RSU1: variants seen among roughly 807,000 people sequenced by gnomAD.
RSU1 encodes rsu-1.
A neutral mutation model predicts 31.1 loss-of-function variants in RSU1; 26 were observed. That is an observed-to-expected ratio of 0.84 (90% CI 0.61 to 1.16). The LOEUF (loss-of-function observed/expected upper bound fraction) is 1.16. Among genes scored for constraint, RSU1 ranks in the 50% most tolerant of loss-of-function variants. RSU1 has a pLI of 0.00. For missense variants in RSU1, 320 were observed against 339.1 expected (o/e 0.94, Z 0.44); for synonymous variants, 164 against 136.3 (o/e 1.20, Z -1.41).
chr10:16,653,449 C>T (rs750986409), intron 8 of RSU1, among the ~76,000 whole-genome samples: 2 of 152,230 alleles, frequency 1.3e-5, no homozygotes, highest in Non-Finnish European at 2.9e-5. Flanking sequence ...GGTAGTAACA[C>T]GGCTTTCCCT....
intron 7 of RSU1, among the ~76,000 whole-genome samples, chr10:16,704,870 A>G (rs1835862994): frequency 6.6e-6 from 1 of 152,214 alleles, no homozygotes; most frequent in Non-Finnish European, 1.5e-5. Flanking sequence ...TAAAATACAC[A>G]TAGGATAAAA....
intron 7 of RSU1, among the ~76,000 whole-genome samples, chr10:16,720,375 A>G (rs1397757657): frequency 6.6e-6 from 1 of 152,224 alleles, no homozygotes; most frequent in Admixed American, 6.5e-5. Flanking sequence ...AAATTATCAA[A>G]TAGAAATTAA....
chr10:16,808,075 G>T (rs1204018763), intron 2 of RSU1, among the ~76,000 whole-genome samples: 1 of 151,070 alleles, frequency 6.6e-6, no homozygotes, highest in South Asian at 2.1e-4. Flanking sequence ...GGTAAGGCAG[G>T]CCCTAGGAGT....
chr10:16,709,180 G>A (rs1588484287), intron 7 of RSU1, among the ~76,000 whole-genome samples: 1 of 145,486 alleles, frequency 6.9e-6, no homozygotes, highest in African/African-American at 2.5e-5. Flanking sequence ...AGAGTGTGAT[G>A]TTCCCCTTCC....
At chr10:16,730,688 A>C (rs528689306) in intron 7 of RSU1, among the ~76,000 whole-genome samples, 2 of 152,376 alleles carry the variant, frequency 1.3e-5, no homozygotes, top group East Asian at 3.8e-4. Flanking sequence ...ACACTGGAGA[A>C]ATTATAAAAA....
chr10:16,687,691 T>G (rs17139031), intron 8 of RSU1, among the ~76,000 whole-genome samples: 5,194 of 152,164 alleles, frequency 0.034, 233 homozygotes, highest in East Asian at 0.1. Context: ...ACAGGAACAG[T>G]TGAGCAATTA....
intron 8 of RSU1, among the ~76,000 whole-genome samples, chr10:16,610,568 G>A (rs1833876102): frequency 6.6e-6 from 1 of 152,160 alleles, no homozygotes; most frequent in Non-Finnish European, 1.5e-5. Context: ...CGCTCCTTAT[G>A]AGAATCTAAT....
intron 8 of RSU1, among the ~76,000 whole-genome samples, chr10:16,623,045 C>T (rs970591828): frequency 6.6e-6 from 1 of 151,750 alleles, no homozygotes; most frequent in Non-Finnish European, 1.5e-5. Context: ...TTTCCCCCAA[C>T]TTTCATTTTA....
chr10:16,758,016 A>G (rs891190643), intron 4 of RSU1, among the ~76,000 whole-genome samples: 3 of 152,146 alleles, frequency 2.0e-5, no homozygotes, highest in African/African-American at 7.2e-5. Context: ...GAGCCCCTCC[A>G]CCTCCTGGTG....
chr10:16,709,684 C>G (rs1835978608), intron 7 of RSU1, among the ~76,000 whole-genome samples: 1 of 152,142 alleles, frequency 6.6e-6, no homozygotes, highest in Admixed American at 6.5e-5. Flanking sequence ...TAACGATTGC[C>G]ATTCTAACTG....
Position 16,764,987 on chromosome 10 carries a change from G to C in RSU1, c.161-477C>G, listed in dbSNP as rs193287810. On this transcript the variant is annotated intron_variant, in intron 3 of 8. Coordinates refer to ENST00000345264, the MANE Select transcript of RSU1 (RefSeq NM_012425.4). ...CACAGTTTGTTTCAGATGGCTAATG[G>C]GGGGGGAGAAACAGAGCAAAAATGC... Among the ~76,000 whole-genome samples, 10 of 150,352 alleles carry C rather than the reference G, an allele frequency of 6.7e-5. No individual in the cohort carries two copies. In the East Asian group the frequency reaches 1.2e-3, roughly 18 times the overall value.
At chr10:16,749,789 C>T (rs1345713227) in intron 7 of RSU1, among the ~76,000 whole-genome samples, 7 of 152,334 alleles carry the variant, frequency 4.6e-5, no homozygotes, top group Middle Eastern at 3.4e-3. Flanking sequence ...GCAAAGCCCA[C>T]GCCAACTCAC....
intron 2 of RSU1, among the ~76,000 whole-genome samples, chr10:16,807,824 C>G (rs190592956): frequency 2.0e-5 from 3 of 151,878 alleles, no homozygotes; most frequent in Admixed American, 1.3e-4. Flanking sequence ...GAGACTGAGA[C>G]CATCCTGGCT....
chr10:16,726,267 C>CTTTTTT (rs760586484), intron 7 of RSU1, among the ~76,000 whole-genome samples: 9 of 137,078 alleles, frequency 6.6e-5, no homozygotes, highest in African/African-American at 2.4e-4. Context: ...AGGAACGTAT[C>CTTTTTT]TTTTTTTTTT....
intron 7 of RSU1, among the ~76,000 whole-genome samples, chr10:16,736,393 AC>A (rs1211624539): frequency 6.6e-6 from 1 of 152,170 alleles, no homozygotes; most frequent in Non-Finnish European, 1.5e-5. Context: ...GTTACTAAGC[AC>A]CCTGGTCAAG....
At chr10:16,768,671 T>G (rs889845664) in intron 3 of RSU1, among the ~76,000 whole-genome samples, 79 of 152,212 alleles carry the variant, frequency 5.2e-4, no homozygotes, top group African/African-American at 1.8e-3. Flanking sequence ...GCAGCAGCAG[T>G]TCCGCCTAAC....
intron 8 of RSU1, among the ~76,000 whole-genome samples, chr10:16,690,531 T>G (rs1023403828): frequency 6.6e-6 from 1 of 152,216 alleles, no homozygotes; most frequent in African/African-American, 2.4e-5. Flanking sequence ...TCCTGCTTAA[T>G]GGAACAAGTT....
At chr10:16,805,767 A>G (rs1056282756) in intron 2 of RSU1, among the ~76,000 whole-genome samples, 1 of 151,540 alleles carries the variant, frequency 6.6e-6, no homozygotes, top group African/African-American at 2.4e-5. Flanking sequence ...TAGTAATATT[A>G]GTATTGTTAA....
intron 2 of RSU1, among the ~76,000 whole-genome samples, chr10:16,797,788 C>T (rs1838069886): frequency 6.7e-6 from 1 of 148,616 alleles, no homozygotes; most frequent in South Asian, 2.1e-4. Flanking sequence ...AATTCAAAGA[C>T]ATATAAGAGC....
Sources: allele counts gnomAD v4.1 joint callset (sites outside exome capture counted in the v4.1 genomes callset), GRCh38; gene constraint gnomAD v4.1.1; transcripts MANE v1.5; gene names NCBI Gene and HGNC (gene_info 2026-07-23, HGNC 2026-07-21).